Variants in ADAMTSL1 observed in about 807,000 individuals in gnomAD.
The protein encoded by ADAMTSL1 is ADAMTS-like protein 1.
ADAMTSL1 carries 126 observed loss-of-function variants against 201.8 expected under a neutral mutation model. That is an observed-to-expected ratio of 0.62 (90% confidence interval 0.54 to 0.72). The LOEUF (loss-of-function observed/expected upper bound fraction) is 0.72, where lower values mean the gene tolerates loss of function less well. Among genes scored for constraint, ADAMTSL1 ranks in the 30% least tolerant of loss-of-function variants. ADAMTSL1 has a pLI of 0.00. For missense variants in ADAMTSL1, 2,679 were observed against 2,277.8 expected, an observed-to-expected ratio of 1.18 and a Z score of -3.59; for synonymous variants, 1,121 against 903.4, an observed-to-expected ratio of 1.24 and a Z score of -4.32.
intron 26 of ADAMTSL1, among the ~76,000 whole-genome samples, chr9:18,902,023 A>G (rs1285461439): frequency 1.3e-5 from 2 of 152,244 alleles, no homozygotes; most frequent in Non-Finnish European, 2.9e-5. Context: ...ATCAAACAAC[A>G]TAGACTATAC....
At chr9:18,884,264 C>G (rs7023129) in intron 23 of ADAMTSL1, among the ~76,000 whole-genome samples, 1 of 151,896 alleles carries the variant, frequency 6.6e-6, no homozygotes. Context: ...TTGCCTGAAC[C>G]GGGTTGTTTG....
chr9:18,672,929 A>G (rs1179060040), intron 9 of ADAMTSL1, among the ~76,000 whole-genome samples: 1 of 152,162 alleles, frequency 6.6e-6, no homozygotes, highest in Non-Finnish European at 1.5e-5. Context: ...GGGATATTAG[A>G]TGGAGTCATG....
chr9:18,375,581 G>C (rs1470072976), intron 2 of ADAMTSL1, among the ~76,000 whole-genome samples: 1 of 152,094 alleles, frequency 6.6e-6, no homozygotes, highest in Non-Finnish European at 1.5e-5. Context: ...TCTGGAGTTG[G>C]TTCCTTCCGG....
At chr9:18,209,473 A>C (rs567966867) in intron 2 of ADAMTSL1, among the ~76,000 whole-genome samples, 1 of 152,220 alleles carries the variant, frequency 6.6e-6, no homozygotes, top group African/African-American at 2.4e-5. Flanking sequence ...CCATGGAACC[A>C]AAACGCAAAC....
At chr9:17,933,015 C>T (rs551042065) in intron 1 of ADAMTSL1, among the ~76,000 whole-genome samples, 1 of 152,264 alleles carries the variant, frequency 6.6e-6, no homozygotes, top group Admixed American at 6.5e-5. Flanking sequence ...CCCAGCCTGG[C>T]ACCATGCATG....
intron 2 of ADAMTSL1, among the ~76,000 whole-genome samples, chr9:18,294,054 G>A (rs1470412533): frequency 6.6e-6 from 1 of 152,194 alleles, no homozygotes; most frequent in Non-Finnish European, 1.5e-5. Flanking sequence ...ATGGGCTTAC[G>A]AGGAGAGTTC....
At chr9:18,237,620 C>T (rs1200611837) in intron 2 of ADAMTSL1, among the ~76,000 whole-genome samples, 1 of 152,202 alleles carries the variant, frequency 6.6e-6, no homozygotes, top group African/African-American at 2.4e-5. Flanking sequence ...GATACAAATA[C>T]TTGATTTACT....
chr9:18,840,007 T>C (rs1339453997), intron 23 of ADAMTSL1, among the ~76,000 whole-genome samples: 16 of 150,558 alleles, frequency 1.1e-4, no homozygotes, highest in Non-Finnish European at 1.9e-4. Context: ...CTGATGGTAG[T>C]TTCTTTTGCT....
chr9:18,526,584 TC>T (rs1159286318), intron 2 of ADAMTSL1, among the ~76,000 whole-genome samples: 1 of 152,250 alleles, frequency 6.6e-6, no homozygotes, highest in Non-Finnish European at 1.5e-5. Context: ...TGCCAGTTGT[TC>T]CTTTCCATGT....
At position 18,170,704 on chromosome 9, in the gene ADAMTSL1, T is replaced by G. The variant is rs145645986; in HGVS notation, c.207+6723T>G. Among the ~76,000 whole-genome samples, 397 of 152,148 alleles carry G rather than the reference T, an allele frequency of 2.6e-3. 1 individual carries two copies. The highest frequency in any genetic ancestry group is 3.7e-3 in the Admixed American group (57 of 15,274). On this transcript the variant is annotated intron_variant, in intron 2 of 29. Transcript: ENST00000680146. ...TTTAAATAGCAAACAGCTTCCATTT[T>G]TTATTGTTTGAGATAGTAAACTACT...
At chr9:18,876,678 C>G (rs1423178309) in intron 23 of ADAMTSL1, among the ~76,000 whole-genome samples, 1 of 152,122 alleles carries the variant, frequency 6.6e-6, no homozygotes, top group Non-Finnish European at 1.5e-5. Flanking sequence ...GCTTGTAGCT[C>G]TTTAGATTCT....
At chr9:18,192,119 A>G (rs1828995744) in intron 2 of ADAMTSL1, among the ~76,000 whole-genome samples, 1 of 152,042 alleles carries the variant, frequency 6.6e-6, no homozygotes, top group Admixed American at 6.6e-5. Flanking sequence ...AGTCCATTTA[A>G]CTTTTCTAAT....
At chr9:18,200,971 C>T (rs187968183) in intron 2 of ADAMTSL1, among the ~76,000 whole-genome samples, 159 of 152,008 alleles carry the variant, frequency 1.0e-3, no homozygotes, top group African/African-American at 3.4e-3. Context: ...ATCTTTAATG[C>T]TTGAGTTCTA....
chr9:18,540,047 C>T (rs887457089), intron 3 of ADAMTSL1, among the ~76,000 whole-genome samples: 1 of 152,076 alleles, frequency 6.6e-6, no homozygotes, highest in Non-Finnish European at 1.5e-5. Flanking sequence ...AATAAGGTGA[C>T]AGTTGAGCTG....
intron 4 of ADAMTSL1, among the ~76,000 whole-genome samples, chr9:18,588,097 G>A (rs574693613): frequency 6.6e-5 from 10 of 152,228 alleles, no homozygotes; most frequent in African/African-American, 2.4e-4. Flanking sequence ...CCAACAGTGT[G>A]CAAGTGTTTC....
intron 1 of ADAMTSL1, among the ~76,000 whole-genome samples, chr9:18,486,425 C>T (rs939956003): frequency 6.6e-6 from 1 of 152,190 alleles, no homozygotes; most frequent in African/African-American, 2.4e-5. Context: ...CCTGGCCTAG[C>T]CAGCATGGTG....
intron 2 of ADAMTSL1, among the ~76,000 whole-genome samples, chr9:18,194,404 G>A (rs1829091594): frequency 6.6e-6 from 1 of 151,980 alleles, no homozygotes; most frequent in Admixed American, 6.6e-5. Flanking sequence ...AAAGCAACAT[G>A]CACCCTCCAA....
chr9:17,949,302 C>T (rs1827638175), intron 1 of ADAMTSL1, among the ~76,000 whole-genome samples: 1 of 152,086 alleles, frequency 6.6e-6, no homozygotes, highest in Non-Finnish European at 1.5e-5. Context: ...GAGGTGGTAG[C>T]CAAGCCTGAG....
intron 13 of ADAMTSL1, 45 bp downstream of exon 13, chr9:18,684,845 G>A (rs776003060): frequency 2.7e-5 from 42 of 1,562,234 alleles, no homozygotes; most frequent in Non-Finnish European, 3.3e-5. Flanking sequence ...AAACTGTTTT[G>A]TTTAAAGAAA....
Sources: allele counts gnomAD v4.1 joint callset (sites outside exome capture counted in the v4.1 genomes callset), GRCh38; gene constraint gnomAD v4.1.1; transcripts MANE v1.5; gene names NCBI Gene and HGNC (gene_info 2026-07-23, HGNC 2026-07-21).